The following ANKRD36C variants were observed in gnomAD, a reference collection of about 807,000 sequenced individuals.
ANKRD36C encodes the protein ankyrin repeat domain 36C, also known as ankyrin repeat domain-containing protein 36C.
A neutral mutation model predicts 276.4 loss-of-function variants in ANKRD36C; 61 were observed. The observed-to-expected ratio is 0.22, with a 90% CI of 0.18 to 0.27. The LOEUF (loss-of-function observed/expected upper bound fraction) is 0.27. Ranked by LOEUF, ANKRD36C falls within the 10% of genes least tolerant of loss-of-function variation. The probability of loss-of-function intolerance (pLI) is 1.00; values close to 1 mark genes in which losing one functional copy is unlikely to be tolerated. For missense variants in ANKRD36C, 1,447 were observed against 2,032.3 expected (o/e 0.71, Z 5.54); for synonymous variants, 483 against 680.1 (o/e 0.71, Z 4.51).
At chr2:95,918,278 G>A (rs959547666) in intron 34 of ANKRD36C, among the ~76,000 whole-genome samples, 10 of 151,652 alleles carry the variant, frequency 6.6e-5, no homozygotes, top group African/African-American at 1.7e-4. Flanking sequence ...GTCATACGTC[G>A]AAAACTAAAA....
chr2:95,981,444 AT>A (rs1284809654), intron 4 of ANKRD36C, among the ~76,000 whole-genome samples: 1 of 147,798 alleles, frequency 6.8e-6, no homozygotes, highest in African/African-American at 2.5e-5. Flanking sequence ...TATATTATAT[AT>A]TATCTATAAA....
intron 17 of ANKRD36C, among the ~76,000 whole-genome samples, chr2:95,946,978 A>G (rs1359504259): frequency 6.6e-6 from 1 of 152,106 alleles, no homozygotes; most frequent in South Asian, 2.1e-4. Flanking sequence ...ACATGTATAC[A>G]TATGTTACTA....
chr2:95,928,978 C>A (rs1677487449), intron 26 of ANKRD36C, 94 bp downstream of exon 26: 2 of 1,563,670 alleles, frequency 1.3e-6, no homozygotes, highest in Non-Finnish European at 1.7e-6. Flanking sequence ...TCAGAACATG[C>A]AGCTTAGACG....
chr2:95,908,531 C>G (rs1182392491), intron 42 of ANKRD36C: 1 of 1,543,686 alleles, frequency 6.5e-7, no homozygotes. Flanking sequence ...ATGCTTTTTT[C>G]CTCTGGCTAT....
At position 95,916,499 on chromosome 2, in the gene ANKRD36C, G is replaced by A. The variant is rs181778503; in HGVS notation, c.2348-328C>T. ...AAAATCAGAGGAGCAACTCATACAC[G>A]TGAGAATCAACGTCAAAACAGGTGC... On this transcript the variant is annotated intron_variant, in intron 36 of 66. Coordinates refer to ENST00000456556, the Ensembl canonical transcript of ANKRD36C. Among the ~76,000 whole-genome samples, 721 of 151,746 alleles carry A rather than the reference G, an allele frequency of 4.8e-3. 4 individuals carry two copies. Among genetic ancestry groups the A allele is most frequent in the South Asian group, 0.021 (103 of 4,822 alleles).
chr2:95,971,679 GATAA>G (rs1374692168), intron 6 of ANKRD36C, among the ~76,000 whole-genome samples: 3 of 151,506 alleles, frequency 2.0e-5, no homozygotes, highest in African/African-American at 4.9e-5. Context: ...GAAAATAACT[GATAA>G]ATGATTGATT....
At chr2:95,967,148 C>T (rs964747888) in intron 6 of ANKRD36C, among the ~76,000 whole-genome samples, 3 of 152,142 alleles carry the variant, frequency 2.0e-5, no homozygotes, top group Non-Finnish European at 2.9e-5. Flanking sequence ...CCGTTTATTT[C>T]TTTCTCTTGC....
At chr2:95,893,177 T>C (rs1006841832) in intron 44 of ANKRD36C, among the ~76,000 whole-genome samples, 4 of 151,576 alleles carry the variant, frequency 2.6e-5, no homozygotes, top group East Asian at 2.0e-4. Flanking sequence ...TTTTTAGCAG[T>C]ACGATGTGAC....
At chr2:95,874,650 A>G (rs1244427167) in intron 59 of ANKRD36C, among the ~76,000 whole-genome samples, 1 of 152,252 alleles carries the variant, frequency 6.6e-6, no homozygotes, top group Non-Finnish European at 1.5e-5. Context: ...CACCAACAGC[A>G]ATGGCAACAA....
intron 1 of ANKRD36C, 133 bp from the exon 2 acceptor site, chr2:95,987,339 A>G: frequency 7.2e-7 from 1 of 1,385,676 alleles, no homozygotes; most frequent in Non-Finnish European, 9.6e-7. Flanking sequence ...TACCACATTA[A>G]TGAAAGAGCA....
chr2:95,991,575 A>C (rs751635048), exon 1 of ANKRD36C: 4 of 1,613,878 alleles, frequency 2.5e-6, no homozygotes, highest in Non-Finnish European at 3.4e-6. Context: ...CAGTTCCTCC[A>C]GATCACGATA....
intron 13 of ANKRD36C, among the ~76,000 whole-genome samples, chr2:95,955,667 A>G (rs903544981): frequency 1.3e-4 from 20 of 152,230 alleles, no homozygotes; most frequent in Admixed American, 1.2e-3. Context: ...TCACTCAATG[A>G]CAGAATGATG....
rs1456650088 is a variant in ANKRD36C at position 95,909,638 on chromosome 2, T to C, written c.2653+2606A>G. Among the ~76,000 whole-genome samples, 105 of 139,270 alleles carry C rather than the reference T, an allele frequency of 7.5e-4. 2 individuals are homozygous for C. Among genetic ancestry groups the C allele is most frequent in the Non-Finnish European group, 1.2e-3 (76 of 63,712 alleles). 91.4% of individuals were successfully genotyped at this position (139,270 alleles called of 152,430 possible). On this transcript the variant is annotated intron_variant, in intron 42 of 66. Transcript: ENST00000456556. ...GTAGCTCCTTGAACAAGGAAGCCAATGTATTCAGATTCAACTTTGTCTCAT... is the reference window on the plus strand; with the variant it reads ...GTAGCTCCTTGAACAAGGAAGCCAACGTATTCAGATTCAACTTTGTCTCAT...
At chr2:95,865,626 T>A (rs943684987) in intron 60 of ANKRD36C, among the ~76,000 whole-genome samples, 1 of 152,136 alleles carries the variant, frequency 6.6e-6, no homozygotes, top group Non-Finnish European at 1.5e-5. Flanking sequence ...CATATTTACC[T>A]TGTACACAAA....
At chr2:95,912,290 A>C in exon 42 of ANKRD36C, 2 of 1,569,120 alleles carry the variant, frequency 1.3e-6, no homozygotes, top group Admixed American at 3.7e-5. Flanking sequence ...TTATATTCGA[A>C]AAAGAATCTT....
At chr2:95,911,142 C>G (rs557656314) in intron 42 of ANKRD36C, among the ~76,000 whole-genome samples, 34 of 151,566 alleles carry the variant, frequency 2.2e-4, no homozygotes, top group Admixed American at 5.3e-4. Context: ...TAATCATTAT[C>G]TCTCACACCC....
intron 28 of ANKRD36C, among the ~76,000 whole-genome samples, chr2:95,926,293 C>T (rs1385782184): frequency 6.6e-6 from 1 of 151,510 alleles, no homozygotes; most frequent in Non-Finnish European, 1.5e-5. Context: ...TTGCTACAAG[C>T]ATTAGATATG....
At chr2:95,882,362 T>C (rs942382900) in exon 56 of ANKRD36C, 2 of 1,551,012 alleles carry the variant, frequency 1.3e-6, no homozygotes, top group Non-Finnish European at 1.7e-6. Flanking sequence ...GAAACTTTCT[T>C]TTTAAATATA....
At chr2:95,886,015 C>T (rs181040591) in intron 52 of ANKRD36C, 33 bp downstream of exon 72, 14 of 1,588,234 alleles carry the variant, frequency 8.8e-6, no homozygotes, top group Non-Finnish European at 1.2e-5. Flanking sequence ...TCTATTTGAT[C>T]GAACATTACA....
Sources: gnomAD v4.1 joint callset for allele counts (sites outside exome capture counted in the v4.1 genomes callset) on GRCh38, gnomAD v4.1.1 for gene constraint, MANE v1.5 for transcripts, NCBI Gene and HGNC (gene_info 2026-07-23, HGNC 2026-07-21) for gene names.